HIPK1: variants seen among roughly 807,000 people sequenced by gnomAD.
The protein encoded by HIPK1 is homeodomain-interacting protein kinase 1.
HIPK1 carries 28 observed loss-of-function variants against 117.1 expected under a neutral mutation model. That is an observed-to-expected ratio of 0.24 (90% CI 0.18 to 0.33). HIPK1 has a LOEUF of 0.33. Among genes scored for constraint, HIPK1 ranks in the 10% least tolerant of loss-of-function variants. The pLI, the probability that HIPK1 is intolerant of heterozygous loss-of-function variation, is 1.00. For missense variants in HIPK1, 1,122 were observed against 1,475.1 expected (o/e 0.76, Z 3.92); for synonymous variants, 605 against 562.5 (o/e 1.08, Z -1.07).
At chr1:113,943,429 G>A (rs1411894103) in intron 2 of HIPK1, among the ~76,000 whole-genome samples, 1 of 152,122 alleles carries the variant, frequency 6.6e-6, no homozygotes, top group Non-Finnish European at 1.5e-5. Context: ...TAATGCTTTT[G>A]AGGCTAATCC....
intron 11 of HIPK1, among the ~76,000 whole-genome samples, chr1:113,966,987 G>A (rs954905405): frequency 1.3e-5 from 2 of 152,004 alleles, no homozygotes; most frequent in African/African-American, 4.8e-5. Flanking sequence ...AGAACATGTG[G>A]TTTGTCTTTC....
At position 113,962,414 on chromosome 1, in the gene HIPK1, G is replaced by A; in HGVS notation, c.2079G>A (p.Gln693=). 1.2e-6 allele frequency: 2 copies of A among 1,613,874 alleles called. No individual in the cohort carries two copies. The highest frequency in any genetic ancestry group is 1.7e-6 in the Non-Finnish European group (2 of 1,179,840). Residue 693 remains glutamine (Q), a synonymous_variant, in exon 9 of 16, where the codon CAG becomes CAA. Transcript: ENST00000426820. ...AGGCACCAGCTGCTCAGCCACTACAGATTCAGTCAGGAGTTCTCACGCAGG... is the reference window on the plus strand; with the variant it reads ...AGGCACCAGCTGCTCAGCCACTACAAATTCAGTCAGGAGTTCTCACGCAGG... ...VPQAPAAQPL[Q]IQSGVLTQGS... is the part of the protein sequence containing the mutation.
intron 2 of HIPK1, among the ~76,000 whole-genome samples, chr1:113,950,196 T>TAATTTTTG (rs1558134453): frequency 6.6e-6 from 1 of 152,196 alleles, no homozygotes; most frequent in Non-Finnish European, 1.5e-5. Context: ...TTCTCCTTGC[T>TAATTTTTG]TAATCCTTGC....
In HIPK1 at chr1:113,975,282, A is replaced by T. The variant is rs182822380; in HGVS notation, c.*1770A>T. 1 of 152,900 alleles carries T rather than the reference A, an allele frequency of 6.5e-6. No individual in the cohort carries two copies. Among genetic ancestry groups the T allele is most frequent in the East Asian group, 1.9e-4 (1 of 5,322 alleles). The allele number at this position is 152,900 out of a possible 1,614,324, so 9.5% of individuals were successfully genotyped here. A position where few individuals can be genotyped will look rare whatever the true frequency, so the allele number is the denominator to read the frequency against. On this transcript the variant is annotated 3_prime_UTR_variant, in exon 16 of 16. Transcript: ENST00000426820. ...CTGTATTGTGTAATGCATTGTTCTC[A>T]GTTTCCCTGCCAACATTGAAAAATA...
At chr1:113,970,309 T>C in intron 14 of HIPK1, 112 bp downstream of exon 14, 1 of 1,167,782 alleles carries the variant, frequency 8.6e-7, no homozygotes, top group Non-Finnish European at 1.2e-6. Flanking sequence ...GTAGACATTC[T>C]TAAAGAGACC....
chr1:113,956,595 G>A (rs1157669884), intron 5 of HIPK1, 32 bp from the exon 6 acceptor site: 5 of 1,559,434 alleles, frequency 3.2e-6, no homozygotes, highest in Admixed American at 1.7e-5. Context: ...AAGGTTAAGT[G>A]AAGAAGTATA....
intron 1 of HIPK1, among the ~76,000 whole-genome samples, chr1:113,933,448 A>G (rs1054000367): frequency 5.9e-5 from 9 of 152,214 alleles, no homozygotes; most frequent in Non-Finnish European, 1.0e-4. Flanking sequence ...CTGGTAATCC[A>G]AATTAGGAAT....
In HIPK1 at chr1:113,963,489, C is replaced by T. The variant is rs1457595301; in HGVS notation, c.2206C>T (p.Pro736Ser). The change falls in exon 10 of 16, where the codon CCG (proline) becomes TCG (serine). Residue 736 changes from proline (P) to serine (S), a missense_variant. By Grantham distance (74) the Pro-to-Ser change is moderately conservative (BLOSUM62 -1). This residue lies in a region of HIPK1 where 731 missense variants were observed against 860.4 expected (regional missense o/e 0.85). Coordinates refer to ENST00000426820, the MANE Select transcript of HIPK1 (RefSeq NM_198268.3). ...TACTCTGAGCTGCGCAGCCGGCCGG[C>T]CGGCGCTGGTTGAACAGACTGCCGC... The part of the protein sequence containing the change: ...PFTLSCAAGR[P>S]ALVEQTAAVL... 1.2e-6 allele frequency: 2 copies of T among 1,614,074 alleles called. No homozygotes were observed. Among genetic ancestry groups the T allele is most frequent in the East Asian group, 2.2e-5 (1 of 44,902 alleles).
chr1:113,971,927 T>G lies in HIPK1; in HGVS notation c.3117T>G (p.Ser1039Arg). 6.2e-7 allele frequency: 1 copy of G among 1,610,760 alleles called. No homozygotes were observed. Residue 1039 changes from serine (S) to arginine (R), a missense_variant, in exon 15 of 16, where the codon AGT (serine) becomes AGG (arginine). Ser to Arg is a moderately radical substitution (Grantham distance 110, BLOSUM62 -1). Coordinates refer to ENST00000426820, the MANE Select transcript of HIPK1 (RefSeq NM_198268.3). ...TGYRAQRGGT[S>R]AAQPLNLSQN... ...ATCGAGCTCAACGCGGGGGGACCAGTGCAGCACAACCACTCAATCTTAGCC... is the reference window on the plus strand; with the variant it reads ...ATCGAGCTCAACGCGGGGGGACCAGGGCAGCACAACCACTCAATCTTAGCC...
chr1:113,942,834 T>C (rs1373920400), intron 2 of HIPK1, among the ~76,000 whole-genome samples: 1 of 152,190 alleles, frequency 6.6e-6, no homozygotes. Context: ...ATCTAATATT[T>C]AGTTTTAATG....
intron 15 of HIPK1, 115 bp downstream of exon 15, chr1:113,972,069 A>C (rs768104681): frequency 6.2e-7 from 1 of 1,611,934 alleles, no homozygotes; most frequent in African/African-American, 1.3e-5. Flanking sequence ...TTTTGTGTCA[A>C]ACAATTTTGT....
intron 8 of HIPK1, among the ~76,000 whole-genome samples, chr1:113,959,082 T>C (rs943630337): frequency 6.6e-6 from 1 of 152,200 alleles, no homozygotes; most frequent in Non-Finnish European, 1.5e-5. Flanking sequence ...AATGTTACTT[T>C]AAGGCTAAAA....
chr1:113,960,681 C>T (rs989860613), intron 8 of HIPK1, among the ~76,000 whole-genome samples: 2 of 152,170 alleles, frequency 1.3e-5, no homozygotes, highest in Non-Finnish European at 2.9e-5. Flanking sequence ...TATTGGATAA[C>T]ATTGCCTACG....
chr1:113,932,885 A>C (rs1431587358), intron 1 of HIPK1, among the ~76,000 whole-genome samples: 1 of 152,070 alleles, frequency 6.6e-6, no homozygotes, highest in Non-Finnish European at 1.5e-5. Context: ...AGCCTCCTCC[A>C]TCTTCCATTC....
intron 1 of HIPK1, chr1:113,933,015 C>T (rs1259593341): frequency 1.1e-5 from 2 of 174,440 alleles, no homozygotes; most frequent in African/African-American, 2.4e-5. Flanking sequence ...CTGGAAACTC[C>T]TCAAGGTATA....
At position 113,958,099 on chromosome 1, in the gene HIPK1, G is replaced by C. The variant is rs1231438870; in HGVS notation, c.1789G>C (p.Ala597Pro). 4 of 1,613,978 alleles carry C rather than the reference G, an allele frequency of 2.5e-6. No individual in the cohort carries two copies. The highest frequency in any genetic ancestry group is 3.4e-6 in the Non-Finnish European group (4 of 1,179,982). The change falls in exon 8 of 16, where the codon GCT becomes CCT. Residue 597 changes from alanine (A) to proline (P), a missense_variant. Physicochemically the swap from Ala to Pro is conservative, Grantham distance 27. Coordinates refer to ENST00000426820, the MANE Select transcript of HIPK1 (RefSeq NM_198268.3). Reference protein sequence around the residue: ...SVLASSSTAAAATLSLANSDV... With the variant: ...SVLASSSTAAPATLSLANSDV... The stretch of plus-strand genomic sequence containing the variant: ...TCTAGCTTCCAGTTCTACTGCAGCA[G>C]CTGCTACTCTTTCTCTGGCTAATTC...
chr1:113,940,627 G>A lies in HIPK1; in HGVS notation c.244G>A (p.Glu82Lys), dbSNP rs1177175515. 5.6e-6 allele frequency: 9 copies of A among 1,614,040 alleles called. No individual in the cohort carries two copies. The highest frequency in any genetic ancestry group is 7.6e-6 in the Non-Finnish European group (9 of 1,180,046). ...CCTCCTCCTCCCAGCTCCTGCAGTG[G>A]AGCATATTGTTGTAACAGCCGCTGA... ...QGLLLPAPAV[E>K]HIVVTAADSS... The change falls in exon 2 of 16, where the codon GAG (glutamate) becomes AAG (lysine). Residue 82 changes from glutamate to lysine, a missense_variant. Coordinates refer to ENST00000426820, the MANE Select transcript of HIPK1 (RefSeq NM_198268.3).
chr1:113,936,551 G>A (rs998660557), intron 1 of HIPK1, among the ~76,000 whole-genome samples: 8 of 151,688 alleles, frequency 5.3e-5, no homozygotes, highest in African/African-American at 1.9e-4. Context: ...TACAACCTCT[G>A]CCTCCCGGAT....
intron 1 of HIPK1, chr1:113,933,135 C>T (rs773479818): frequency 3.4e-5 from 33 of 978,474 alleles, no homozygotes; most frequent in South Asian, 4.7e-5. Flanking sequence ...GTTCTGTTGC[C>T]GTAGTCATTC....
Sources: allele counts gnomAD v4.1 joint callset (sites outside exome capture counted in the v4.1 genomes callset), GRCh38; gene constraint gnomAD v4.1.1; regional missense constraint gnomAD v4.1.1; transcripts MANE v1.5; gene names NCBI Gene and HGNC (gene_info 2026-07-23, HGNC 2026-07-21).